Variants in TRIM22 observed in about 807,000 individuals in gnomAD.
TRIM22 encodes the protein E3 ubiquitin-protein ligase TRIM22.
A neutral mutation model predicts 53.6 loss-of-function variants in TRIM22; 45 were observed. The observed-to-expected ratio is 0.84, with a 90% CI of 0.66 to 1.08. The LOEUF (loss-of-function observed/expected upper bound fraction) is 1.08, where lower values mean the gene tolerates loss of function less well. TRIM22 is among the 50% of genes least tolerant of loss of function. TRIM22 has a pLI of 0.00. For missense variants in TRIM22, 616 were observed against 590.9 expected, an observed-to-expected ratio of 1.04 and a Z score of -0.44; for synonymous variants, 225 against 216.6, an observed-to-expected ratio of 1.04 and a Z score of -0.34.
At position 5,699,932 on chromosome 11, in the gene TRIM22, T is replaced by C. The variant is rs543058702; in HGVS notation, c.750+1387T>C. 2.0e-5 allele frequency among the ~76,000 whole-genome samples: 3 copies of C among 152,132 alleles called. No individual in the cohort carries two copies. In the South Asian group the frequency reaches 6.2e-4, roughly 32 times the overall value. Reference sequence around the variant, plus strand: ...TTTATTTCAAATTTCAATTCTTCATTGCTGGCACATAGAAAGGAAACTGAC... The same window carrying C: ...TTTATTTCAAATTTCAATTCTTCATCGCTGGCACATAGAAAGGAAACTGAC... On this transcript the variant is annotated intron_variant, in intron 4 of 7. Transcript: ENST00000379965.
intron 4 of TRIM22, among the ~76,000 whole-genome samples, chr11:5,699,724 CTTTT>C (rs71053299): frequency 3.0e-5 from 4 of 134,520 alleles, no homozygotes; most frequent in Non-Finnish European, 4.9e-5. Context: ...TGATTATTTC[CTTTT>C]TTTTTTTTTT....
chr11:5,697,085 T>A (rs558373572), intron 2 of TRIM22, 163 bp from the exon 3 acceptor site: 193 of 582,134 alleles, frequency 3.3e-4, no homozygotes, highest in Non-Finnish European at 1.0e-4. Flanking sequence ...AAGAATACAT[T>A]CATCTCCTCA....
chr11:5,703,543 G>A (rs1046405841), intron 4 of TRIM22, among the ~76,000 whole-genome samples: 8 of 151,784 alleles, frequency 5.3e-5, no homozygotes, highest in Non-Finnish European at 7.4e-5. Context: ...CTGCAACCAC[G>A]CCCGGCTAAT....
At position 5,709,255 on chromosome 11, in the gene TRIM22, C is replaced by G; in HGVS notation, c.1104C>G (p.Ile368Met). The G allele has an allele frequency of 1.2e-6, 2 of 1,614,124 alleles. No individual in the cohort carries two copies. The highest frequency in any genetic ancestry group is 1.7e-6 in the Non-Finnish European group (2 of 1,180,022). The stretch of plus-strand genomic sequence containing the variant: ...ATGTGTCTGGAAAGATTGCCTGGAT[C>G]CTGGGCGTACACAGTAAAATAAGTA... Reference protein sequence around the residue: ...EVDVSGKIAWILGVHSKISSL... With the variant: ...EVDVSGKIAWMLGVHSKISSL... Residue 368 changes from isoleucine to methionine, a missense_variant, in exon 8 of 8, where the codon ATC becomes ATG. Ile to Met is a conservative substitution (Grantham distance 10). Coordinates refer to ENST00000379965, the MANE Select transcript of TRIM22 (RefSeq NM_006074.5).
In TRIM22 at chr11:5,709,862, A is replaced by G. The variant is rs1853531344; in HGVS notation, c.*214A>G. 1 of 540,156 alleles carries G rather than the reference A, an allele frequency of 1.9e-6. No homozygotes were observed. The highest frequency in any genetic ancestry group is 3.4e-5 in the Admixed American group (1 of 29,592). 33.5% of individuals were successfully genotyped at this position (540,156 alleles called of 1,614,324 possible). On this transcript the variant is annotated 3_prime_UTR_variant, in exon 8 of 8. Coordinates refer to ENST00000379965, the MANE Select transcript of TRIM22 (RefSeq NM_006074.5). ...TGTATTGCCGTACTGTGGGCTGGAA[A>G]TCCCAAATCTAGATTCCAGCAGAGT...
intron 6 of TRIM22, 64 bp downstream of exon 6, chr11:5,708,337 C>A (rs553217285): frequency 1.3e-6 from 2 of 1,486,478 alleles, no homozygotes; most frequent in Non-Finnish European, 1.9e-6. Flanking sequence ...AATAGGGAAG[C>A]GGGAGGTTTT....
chr11:5,700,199 T>A (rs903062324), intron 4 of TRIM22, among the ~76,000 whole-genome samples: 3 of 151,988 alleles, frequency 2.0e-5, no homozygotes, highest in Admixed American at 1.3e-4. Context: ...CTCACCTCAC[T>A]GCAACCTTCA....
chr11:5,699,909 TA>T (rs1853341871), intron 4 of TRIM22, among the ~76,000 whole-genome samples: 1 of 151,998 alleles, frequency 6.6e-6, no homozygotes, highest in Non-Finnish European at 1.5e-5. Context: ...ATTTTTTTTT[TA>T]TTTCAAATTT....
intron 1 of TRIM22, among the ~76,000 whole-genome samples, chr11:5,691,502 G>A (rs149598133): frequency 0.013 from 1,919 of 152,312 alleles, 54 homozygotes; most frequent in African/African-American, 0.044. Flanking sequence ...CTGTCTGCTT[G>A]TGGATTTCAT....
chr11:5,706,626 G>A lies in TRIM22; in HGVS notation c.773+10G>A, dbSNP rs1184254848. ...TTGACGTCATGAAAAGGTATATGTGGAAGAGAGATGTGGTCTTATTTGTCT... is the reference window on the plus strand; with the variant it reads ...TTGACGTCATGAAAAGGTATATGTGAAAGAGAGATGTGGTCTTATTTGTCT... On this transcript the variant is annotated intron_variant, in intron 5 of 7. Transcript: ENST00000379965. 1 of 1,605,264 alleles carries A rather than the reference G, an allele frequency of 6.2e-7. No homozygotes were observed. Among genetic ancestry groups the A allele is most frequent in the Admixed American group, 1.7e-5 (1 of 59,722 alleles).
At chr11:5,708,086 G>A in intron 5 of TRIM22, 87 bp from the exon 6 acceptor site, 1 of 1,101,324 alleles carries the variant, frequency 9.1e-7, no homozygotes. Flanking sequence ...GCGTCAGCAA[G>A]TATGGTGAAA....
In TRIM22 at chr11:5,696,528, A is replaced by C. The variant is rs1426515498; in HGVS notation, c.296A>C (p.His99Pro). Reference sequence around the variant, plus strand: ...GGGCAGAAGAGAGATGTCTGTGAGCACCATGGAAAAAAACTCCAGATCTTC... The same window carrying C: ...GGGCAGAAGAGAGATGTCTGTGAGCCCCATGGAAAAAAACTCCAGATCTTC... ...QEGQKRDVCE[H>P]HGKKLQIFCK... The change falls in exon 2 of 8, where the codon CAC becomes CCC. Residue 99 changes from histidine (H) to proline (P), a missense_variant. Physicochemically the swap from His to Pro is moderately conservative, Grantham distance 77 (BLOSUM62 -2). Coordinates refer to ENST00000379965, the MANE Select transcript of TRIM22 (RefSeq NM_006074.5). The C allele has an allele frequency of 6.2e-7, 1 of 1,614,236 alleles. No individual in the cohort carries two copies. The highest frequency in any genetic ancestry group is 8.5e-7 in the Non-Finnish European group (1 of 1,180,044).
chr11:5,696,851 C>A, intron 2 of TRIM22, 196 bp downstream of exon 2: 1 of 609,974 alleles, frequency 1.6e-6, no homozygotes, highest in Non-Finnish European at 2.7e-6. Flanking sequence ...AAAAAGAGTA[C>A]AAATTTTTAG....
At chr11:5,708,484 T>G in intron 6 of TRIM22, 93 bp from the exon 7 acceptor site, 1 of 1,263,792 alleles carries the variant, frequency 7.9e-7, no homozygotes. Flanking sequence ...ATCCCAGTAT[T>G]CCCCCTTTCC....
In TRIM22 at chr11:5,709,892, T is replaced by A. The variant is rs1853531671; in HGVS notation, c.*244T>A. The A allele has an allele frequency of 2.0e-6, 1 of 493,692 alleles. No individual in the cohort carries two copies. Among genetic ancestry groups the A allele is most frequent in the Non-Finnish European group, 3.6e-6 (1 of 278,072 alleles). 30.6% of individuals were successfully genotyped at this position (493,692 alleles called of 1,614,324 possible). A position where few individuals can be genotyped will look rare whatever the true frequency, so the allele number is the denominator to read the frequency against. On this transcript the variant is annotated 3_prime_UTR_variant, in exon 8 of 8. Coordinates refer to ENST00000379965, the MANE Select transcript of TRIM22 (RefSeq NM_006074.5). ...AAATCTAGATTCCAGCAGAGTTGGT[T>A]CTTTCTGAGGTCTGCAAGGAAGGGC...
chr11:5,699,495 C>CAG (rs1452107696), intron 4 of TRIM22, among the ~76,000 whole-genome samples: 2 of 101,804 alleles, frequency 2.0e-5, no homozygotes, highest in Non-Finnish European at 3.5e-5. Context: ...CTGCAGTCCG[C>CAG]AGTCCGGCCT....
chr11:5,702,027 T>C (rs1853380451), intron 4 of TRIM22, among the ~76,000 whole-genome samples: 1 of 150,418 alleles, frequency 6.6e-6, no homozygotes, highest in South Asian at 2.1e-4. Flanking sequence ...TATTCAATTT[T>C]CTTTCCTCTC....
intron 5 of TRIM22, among the ~76,000 whole-genome samples, chr11:5,707,893 G>C (rs548293081): frequency 6.6e-6 from 1 of 152,276 alleles, no homozygotes; most frequent in East Asian, 1.9e-4. Flanking sequence ...AGAAAGCATG[G>C]GGTTAATTAT....
In TRIM22 at chr11:5,709,087, G is replaced by A. The variant is rs184007083; in HGVS notation, c.936G>A (p.Ser312=). Residue 312 remains serine, a synonymous_variant, in exon 8 of 8, where the codon TCG becomes TCA. Coordinates refer to ENST00000379965, the MANE Select transcript of TRIM22 (RefSeq NM_006074.5). ...DVMLNPGSAT[S]NVAISVDQRQ... ...TGCTGAATCCAGGCAGTGCCACTTCGAATGTTGCTATTTCTGTGGATCAGA... is the reference window on the plus strand; with the variant it reads ...TGCTGAATCCAGGCAGTGCCACTTCAAATGTTGCTATTTCTGTGGATCAGA... 4.7e-4 allele frequency: 751 copies of A among 1,613,752 alleles called. 9 individuals carry two copies. The highest frequency in any genetic ancestry group is 5.7e-4 in the Admixed American group (34 of 60,000).
Sources: gnomAD v4.1 joint callset for allele counts (sites outside exome capture counted in the v4.1 genomes callset) on GRCh38, gnomAD v4.1.1 for gene constraint, MANE v1.5 for transcripts, NCBI Gene and HGNC (gene_info 2026-07-23, HGNC 2026-07-21) for gene names.